The following LINGO2 variants were observed in gnomAD, a reference collection of about 807,000 sequenced individuals.
LINGO2 encodes leucine rich repeat and Ig domain containing 2.
In LINGO2, 14 loss-of-function variants were observed where a neutral mutation model predicts 30.6. That is an observed-to-expected ratio of 0.46 (90% CI 0.30 to 0.72). The LOEUF (loss-of-function observed/expected upper bound fraction) is 0.72. Ranked by LOEUF, LINGO2 falls within the 30% of genes least tolerant of loss-of-function variation. The probability of loss-of-function intolerance (pLI) is 0.07; values close to 1 mark genes in which losing one functional copy is unlikely to be tolerated. For missense variants in LINGO2, 729 were observed against 751.7 expected (o/e 0.97, Z 0.35); for synonymous variants, 317 against 288.5 (o/e 1.10, Z -1.00).
chr9:28,993,463 C>A, the LINGO2 span, among the ~76,000 whole-genome samples: 43 of 152,272 alleles, frequency 2.8e-4, no homozygotes, highest in African/African-American at 9.6e-4. Flanking sequence ...AACATTCCTT[C>A]TGAAACTATT....
At chr9:29,029,140 G>C in the LINGO2 span, among the ~76,000 whole-genome samples, 2 of 152,122 alleles carry the variant, frequency 1.3e-5, no homozygotes, top group East Asian at 3.9e-4. Context: ...CTCCTTAAAG[G>C]CTACACTACA....
At chr9:28,301,363 TA>T (rs61526992) in intron 3 of LINGO2, among the ~76,000 whole-genome samples, 2,815 of 139,280 alleles carry the variant, frequency 0.02, 56 homozygotes, top group African/African-American at 0.058. Context: ...CATGACAAGT[TA>T]AAAAAAAAAA....
At chr9:28,531,815 G>GA (rs1050526347) in intron 1 of LINGO2, among the ~76,000 whole-genome samples, 9 of 145,654 alleles carry the variant, frequency 6.2e-5, no homozygotes, top group South Asian at 2.2e-4. Context: ...CCTCAAGGGT[G>GA]AAAAAAAAAA....
At chr9:28,179,535 T>C (rs936382358) in intron 4 of LINGO2, among the ~76,000 whole-genome samples, 1 of 71,892 alleles carries the variant, frequency 1.4e-5, no homozygotes, top group African/African-American at 5.4e-5. Context: ...ATAAACTATA[T>C]ATAGTTTTTT....
the LINGO2 span, among the ~76,000 whole-genome samples, chr9:29,030,473 T>G: frequency 6.6e-6 from 1 of 152,148 alleles, no homozygotes; most frequent in Non-Finnish European, 1.5e-5. Context: ...GAGTCCAATT[T>G]TATATTTAAT....
chr9:29,124,930 T>C, the LINGO2 span, among the ~76,000 whole-genome samples: 1 of 152,276 alleles, frequency 6.6e-6, no homozygotes, highest in East Asian at 1.9e-4. Flanking sequence ...CAAATGATTA[T>C]AAATCATTCT....
At chr9:28,959,848 T>C in the LINGO2 span, among the ~76,000 whole-genome samples, 1 of 152,186 alleles carries the variant, frequency 6.6e-6, no homozygotes, top group African/African-American at 2.4e-5. Flanking sequence ...CTCAGACTTT[T>C]AATATATACC....
chr9:28,632,800 T>G (rs147339138), intron 1 of LINGO2, among the ~76,000 whole-genome samples: 1,229 of 108,794 alleles, frequency 0.011, 18 homozygotes, highest in East Asian at 0.034. Context: ...TTATATAGAT[T>G]TATATAGATG....
At chr9:29,107,422 C>A in the LINGO2 span, among the ~76,000 whole-genome samples, 5 of 152,058 alleles carry the variant, frequency 3.3e-5, no homozygotes, top group South Asian at 2.1e-4. Flanking sequence ...TTCAGAGTTG[C>A]AGTTAAGGCT....
chr9:28,226,753 A>C (rs1821184512), intron 4 of LINGO2, among the ~76,000 whole-genome samples: 1 of 152,126 alleles, frequency 6.6e-6, no homozygotes, highest in African/African-American at 2.4e-5. Flanking sequence ...GATCCAGTGC[A>C]TCCCTTGGAT....
the LINGO2 span, among the ~76,000 whole-genome samples, chr9:28,744,607 C>CGTGTGTGTGTGTGTGTGTG: frequency 1.0e-4 from 11 of 107,932 alleles, no homozygotes; most frequent in Admixed American, 4.6e-4. Context: ...AGATATTCCC[C>CGTGTGTGTGTGTGTGTGTG]TCGTGTGTGT....
chr9:28,192,604 T>C (rs935202984), intron 4 of LINGO2, among the ~76,000 whole-genome samples: 1 of 152,158 alleles, frequency 6.6e-6, no homozygotes, highest in Non-Finnish European at 1.5e-5. Context: ...TATTTCTTCA[T>C]TGTGTAGACA....
At chr9:28,914,172 C>T in the LINGO2 span, among the ~76,000 whole-genome samples, 5 of 152,066 alleles carry the variant, frequency 3.3e-5, no homozygotes, top group Admixed American at 3.3e-4. Context: ...TTCTTGAAAC[C>T]TGATTTTTAT....
the LINGO2 span, among the ~76,000 whole-genome samples, chr9:28,818,031 G>A: frequency 2.6e-5 from 4 of 152,268 alleles, no homozygotes; most frequent in Middle Eastern, 3.4e-3. Flanking sequence ...AGTCTGAGAC[G>A]AATGATACTT....
At chr9:29,161,634 G>A in the LINGO2 span, among the ~76,000 whole-genome samples, 3 of 152,128 alleles carry the variant, frequency 2.0e-5, no homozygotes, top group African/African-American at 7.2e-5. Context: ...AGGAGGTAGA[G>A]CCTGATAATT....
intron 4 of LINGO2, among the ~76,000 whole-genome samples, chr9:28,025,310 T>G (rs1217285038): frequency 6.6e-6 from 1 of 152,220 alleles, no homozygotes; most frequent in Admixed American, 6.5e-5. Context: ...GGATAATTTA[T>G]GTTGATTTGT....
chr9:28,724,879 C>T, the LINGO2 span, among the ~76,000 whole-genome samples: 13 of 152,020 alleles, frequency 8.6e-5, no homozygotes, highest in African/African-American at 3.1e-4. Flanking sequence ...AAGAAAGAAA[C>T]ATTAGATCAA....
intron 1 of LINGO2, among the ~76,000 whole-genome samples, chr9:28,509,855 C>T (rs545425924): frequency 3.9e-5 from 6 of 152,216 alleles, no homozygotes; most frequent in Non-Finnish European, 7.3e-5. Context: ...CAGACTAATA[C>T]ATGTATAGTC....
intron 5 of LINGO2, among the ~76,000 whole-genome samples, chr9:27,971,771 G>A (rs1419763892): frequency 6.6e-6 from 1 of 152,118 alleles, no homozygotes; most frequent in Non-Finnish European, 1.5e-5. Context: ...TTGTTTATAA[G>A]GCCTTTGGGG....
Sources: gnomAD v4.1 joint callset for allele counts (sites outside exome capture counted in the v4.1 genomes callset) on GRCh38, gnomAD v4.1.1 for gene constraint, MANE v1.5 for transcripts, NCBI Gene and HGNC (gene_info 2026-07-23, HGNC 2026-07-21) for gene names.